The following TMTC2 variants were observed in gnomAD, a reference collection of about 807,000 sequenced individuals.
TMTC2 encodes transmembrane O-mannosyltransferase targeting cadherins 2, also known as protein O-mannosyl-transferase TMTC2.
A neutral mutation model predicts 82.4 loss-of-function variants in TMTC2; 43 were observed. That is an observed-to-expected ratio of 0.52 (90% CI 0.41 to 0.67). The LOEUF (loss-of-function observed/expected upper bound fraction) is 0.67. Among genes scored for constraint, TMTC2 ranks in the 30% least tolerant of loss-of-function variants. TMTC2 has a pLI of 0.00. For synonymous variants in TMTC2, 408 were observed against 381.9 expected, an observed-to-expected ratio of 1.07 and a Z score of -0.80; for missense variants, 919 against 1,012.4, an observed-to-expected ratio of 0.91 and a Z score of 1.25.
At chr12:82,719,153 GCACGATCTCAGCT>G (rs1035018950) in intron 1 of TMTC2, among the ~76,000 whole-genome samples, 1 of 138,074 alleles carries the variant, frequency 7.2e-6, no homozygotes, top group African/African-American at 2.7e-5. Context: ...GAGTGCAGAG[GCACGATCTCAGCT>G]CACTGCAACC....
chr12:83,113,533 A>G (rs935521352), intron 11 of TMTC2, among the ~76,000 whole-genome samples: 4 of 152,162 alleles, frequency 2.6e-5, no homozygotes, highest in African/African-American at 4.8e-5. Flanking sequence ...CATTAATACT[A>G]TATTGATTTG....
chr12:82,898,618 A>T (rs866042717), intron 3 of TMTC2, among the ~76,000 whole-genome samples: 1 of 152,202 alleles, frequency 6.6e-6, no homozygotes, highest in Non-Finnish European at 1.5e-5. Flanking sequence ...TTCCCTTGCC[A>T]TCTCAGTGGT....
At chr12:82,989,860 T>G (rs1342259056) in intron 8 of TMTC2, among the ~76,000 whole-genome samples, 1 of 152,032 alleles carries the variant, frequency 6.6e-6, no homozygotes, top group Admixed American at 6.5e-5. Flanking sequence ...ACCAAGACTT[T>G]TATAGTTTCC....
chr12:82,936,779 A>G (rs1174730516), intron 4 of TMTC2, among the ~76,000 whole-genome samples: 2 of 152,182 alleles, frequency 1.3e-5, no homozygotes, highest in Non-Finnish European at 2.9e-5. Context: ...ACTACATTTA[A>G]TGTTGAAGCA....
chr12:82,710,078 A>C (rs1381215361), intron 1 of TMTC2, among the ~76,000 whole-genome samples: 1 of 152,238 alleles, frequency 6.6e-6, no homozygotes, highest in Non-Finnish European at 1.5e-5. Context: ...TTTTGATGTC[A>C]GTAAAATACT....
intron 4 of TMTC2, among the ~76,000 whole-genome samples, chr12:82,960,059 A>G (rs998844083): frequency 2.6e-5 from 4 of 152,080 alleles, no homozygotes; most frequent in African/African-American, 9.7e-5. Context: ...GCCAACAAAC[A>G]TAAAAAATGC....
In TMTC2 at chr12:82,694,496, T is replaced by C. The variant is rs547748234; in HGVS notation, c.83+6827T>C. On this transcript the variant is annotated intron_variant, in intron 1 of 11. Coordinates refer to ENST00000321196, the MANE Select transcript of TMTC2 (RefSeq NM_152588.3). ...ATTTGGCAGAGGATATGCTATTTGC[T>C]TATGATGATTCGATAAAGCTTTTGT... 6.6e-5 allele frequency among the ~76,000 whole-genome samples: 10 copies of C among 152,362 alleles called. No individual in the cohort carries two copies. The South Asian group carries it at 2.1e-3, about 32-fold the overall frequency.
At chr12:83,031,424 T>C (rs1283459619) in intron 9 of TMTC2, among the ~76,000 whole-genome samples, 1 of 152,178 alleles carries the variant, frequency 6.6e-6, no homozygotes, top group Admixed American at 6.5e-5. Context: ...CAGTCTAGAA[T>C]GAGGCTACAT....
At chr12:82,878,795 C>T (rs1177560167) in intron 2 of TMTC2, among the ~76,000 whole-genome samples, 2 of 152,044 alleles carry the variant, frequency 1.3e-5, no homozygotes, top group African/African-American at 4.8e-5. Flanking sequence ...CCCAGTTACT[C>T]GGGAGGCTGA....
At chr12:82,883,497 C>T (rs887962319) in intron 2 of TMTC2, among the ~76,000 whole-genome samples, 3 of 152,096 alleles carry the variant, frequency 2.0e-5, no homozygotes, top group Non-Finnish European at 4.4e-5. Flanking sequence ...TGAGAGAAGG[C>T]GGCTGTATCT....
chr12:82,891,046 A>G (rs1320907012), intron 2 of TMTC2, among the ~76,000 whole-genome samples: 3 of 152,240 alleles, frequency 2.0e-5, no homozygotes, highest in African/African-American at 7.2e-5. Flanking sequence ...GTGTTAGGTC[A>G]GTTTGTTACA....
At position 82,997,027 on chromosome 12, in the gene TMTC2, C is replaced by T. The variant is rs115699264; in HGVS notation, c.2070+10981C>T. Among the ~76,000 whole-genome samples, 1,011 of 151,856 alleles carry T rather than the reference C, an allele frequency of 6.7e-3. 18 individuals are homozygous for T. The highest frequency in any genetic ancestry group is 0.023 in the African/African-American group (972 of 41,440). ...CTATTGCTTTGGCTCAAGATGTTTT[C>T]CTGAGGGTGTCTGTCTTCCCCTTTT... On this transcript the variant is annotated intron_variant, in intron 8 of 11. Transcript: ENST00000321196.
chr12:82,874,997 A>G (rs12308344), intron 2 of TMTC2, among the ~76,000 whole-genome samples: 3,095 of 152,272 alleles, frequency 0.02, 106 homozygotes, highest in African/African-American at 0.071. Context: ...GGGGTCTGAC[A>G]CTTTCTCTGT....
At chr12:82,786,741 G>T (rs1032874777) in intron 1 of TMTC2, among the ~76,000 whole-genome samples, 1 of 152,058 alleles carries the variant, frequency 6.6e-6, no homozygotes, top group Non-Finnish European at 1.5e-5. Flanking sequence ...AGTGTCTCCA[G>T]CTCCTTAGAG....
intron 11 of TMTC2, among the ~76,000 whole-genome samples, chr12:83,116,294 G>T (rs990764074): frequency 6.6e-6 from 1 of 152,082 alleles, no homozygotes; most frequent in Non-Finnish European, 1.5e-5. Flanking sequence ...TTGTGTGTGT[G>T]TGTGTATATA....
At chr12:82,890,795 T>A (rs1396972947) in intron 2 of TMTC2, among the ~76,000 whole-genome samples, 2 of 152,196 alleles carry the variant, frequency 1.3e-5, no homozygotes, top group African/African-American at 4.8e-5. Flanking sequence ...CTCTTTTTTT[T>A]ATGAGAAGTT....
At chr12:83,110,234 C>T (rs1034572605) in intron 11 of TMTC2, among the ~76,000 whole-genome samples, 4 of 152,136 alleles carry the variant, frequency 2.6e-5, no homozygotes, top group East Asian at 1.9e-4. Context: ...TTCATTTCTT[C>T]GCTAGATGCC....
At chr12:82,820,824 G>A (rs1001374463) in intron 1 of TMTC2, among the ~76,000 whole-genome samples, 3 of 152,122 alleles carry the variant, frequency 2.0e-5, no homozygotes, top group Non-Finnish European at 4.4e-5. Context: ...CATTACTGGT[G>A]CAATTAATTT....
intron 11 of TMTC2, among the ~76,000 whole-genome samples, chr12:83,062,965 GGCTC>G: frequency 6.6e-6 from 1 of 151,844 alleles, no homozygotes; most frequent in South Asian, 2.1e-4. Context: ...AGCATCCTAA[GGCTC>G]ATGGCTGAGA....
Sources: allele counts gnomAD v4.1 joint callset (sites outside exome capture counted in the v4.1 genomes callset), GRCh38; gene constraint gnomAD v4.1.1; transcripts MANE v1.5; gene names NCBI Gene and HGNC (gene_info 2026-07-23, HGNC 2026-07-21).